CASKIN2: variants seen among roughly 807,000 people sequenced by gnomAD.
The protein encoded by CASKIN2 is caskin-2.
A neutral mutation model predicts 107.1 loss-of-function variants in CASKIN2; 41 were observed. The ratio of observed to expected loss-of-function variants is 0.38; its 90% CI spans 0.30 to 0.50. CASKIN2 has a LOEUF of 0.50. Ranked by LOEUF, CASKIN2 falls within the 20% of genes least tolerant of loss-of-function variation. The pLI is 0.92. For missense variants in CASKIN2, 1,546 were observed against 1,657.4 expected, an observed-to-expected ratio of 0.93 and a Z score of 1.17; for synonymous variants, 724 against 705.6, an observed-to-expected ratio of 1.03 and a Z score of -0.41.
rs1338401803 is a variant in CASKIN2, at chr17:75,506,755, C to T, written c.487-42G>A. 1 of 1,613,626 alleles carries T rather than the reference C, an allele frequency of 6.2e-7. No homozygotes were observed. The highest frequency in any genetic ancestry group is 8.5e-7 in the Non-Finnish European group (1 of 1,179,984). ...CCAGTTAGAGCCTCCTCCTGAGACC[C>T]TGTAGATGTCCAGGACCCAGCACCC... is the stretch of plus-strand genomic sequence containing the variant. On this transcript the variant is annotated intron_variant, in intron 6 of 19. Transcript: ENST00000321617. This position sits in a 1 kb window ranked among gnomAD's most constrained non-coding sequence, Gnocchi z 4.8.
At chr17:75,511,057 T>TC (rs2053311881) in intron 2 of CASKIN2, among the ~76,000 whole-genome samples, 1 of 109,302 alleles carries the variant, frequency 9.1e-6, no homozygotes, top group African/African-American at 3.2e-5. Flanking sequence ...TCTTTCCCTG[T>TC]CCTTTTTTTT....
intron 1 of CASKIN2, among the ~76,000 whole-genome samples, chr17:75,514,924 C>A (rs1478571369): frequency 1.3e-5 from 2 of 151,902 alleles, no homozygotes; most frequent in African/African-American, 2.4e-5. Context: ...AAGCCCAGAC[C>A]CTGGACTCCA....
rs1167526625 is a variant in CASKIN2 at position 75,505,428 on chromosome 17, G to T, written c.930+129C>A. ...AATGCTAACAGCACTGCCTTCCCTG[G>T]CTTTAAGAAGAATTAAATGAGGGTG... On this transcript the variant is annotated intron_variant, in intron 10 of 19. Transcript: ENST00000321617. The surrounding 1 kb of genome is among the most constrained non-coding windows in gnomAD (Gnocchi z 5.1). 9.6e-6 allele frequency: 8 copies of T among 831,578 alleles called. No homozygotes were observed. The East Asian group carries it at 1.7e-4, about 18-fold the overall frequency. The allele number at this position is 831,578 out of a possible 1,614,324, so 51.5% of individuals were successfully genotyped here. A position where few individuals can be genotyped will look rare whatever the true frequency, so the allele number is the denominator to read the frequency against.
Position 75,502,457 on chromosome 17 carries a change from G to A in CASKIN2, c.2617C>T (p.Pro873Ser). 2 of 1,441,908 alleles carry A rather than the reference G, an allele frequency of 1.4e-6. No homozygotes were observed. Among genetic ancestry groups the A allele is most frequent in the Non-Finnish European group, 1.8e-6 (2 of 1,092,704 alleles). 89.3% of individuals were successfully genotyped at this position (1,441,908 alleles called of 1,614,324 possible). A position where few individuals can be genotyped will look rare whatever the true frequency, so the allele number is the denominator to read the frequency against. Residue 873 changes from proline to serine, a missense_variant, in exon 18 of 20, where the codon CCC becomes TCC. Pro to Ser is a moderately conservative substitution (Grantham distance 74). This residue lies in a region of CASKIN2 where 1,311 missense variants were observed against 1,311.0 expected (regional missense o/e 1.00). Transcript: ENST00000321617. This position sits in a 1 kb window ranked among gnomAD's most constrained non-coding sequence, Gnocchi z 4.3. ...ARRKGPPPPP[P>S]KRLSSVSGPS... ...CCAGAGACGGAGCTGAGGCGCTTGG[G>A]GGGCGGGGGCGGGGGGCCTTTGCGC...
Position 75,504,645 on chromosome 17 carries a change from C to A in CASKIN2, c.1241G>T (p.Arg414Leu). ...VGSEGSVGSI[R>L]SAGSGQSSEG... Reference sequence around the variant, plus strand: ...AGAGCTCTGCCCGCTGCCGGCACTGCGGATGCTGCCCACGCTGCCCTCACT... The same window carrying A: ...AGAGCTCTGCCCGCTGCCGGCACTGAGGATGCTGCCCACGCTGCCCTCACT... Residue 414 changes from arginine to leucine, a missense_variant, in exon 12 of 20, where the codon CGC becomes CTC. By Grantham distance (102) the Arg-to-Leu change is moderately radical. Around this residue, in one of 6 missense-constraint regions of CASKIN2, gnomAD observed 1,311 missense variants for 1,311.0 expected, o/e 1.00. Transcript: ENST00000321617. The A allele has an allele frequency of 6.2e-7, 1 of 1,606,978 alleles. No homozygotes were observed. The highest frequency in any genetic ancestry group is 8.5e-7 in the Non-Finnish European group (1 of 1,176,106).
rs764859534 is a variant in CASKIN2, at chr17:75,501,592, G to A, written c.3394C>T (p.Arg1132Trp). ...RLGPRPVPPP[R>W]PESTGTVGPG... ...CCCACAGTCCCAGTGCTCTCAGGCCGTGGAGGAGGCACTGGGCGGGGGCCG... is the reference window on the plus strand; with the variant it reads ...CCCACAGTCCCAGTGCTCTCAGGCCATGGAGGAGGCACTGGGCGGGGGCCG... Residue 1132 changes from arginine to tryptophan, a missense_variant, in exon 19 of 20, where the codon CGG becomes TGG. Coordinates refer to ENST00000321617, the MANE Select transcript of CASKIN2 (RefSeq NM_020753.5). 19 of 1,608,020 alleles carry A rather than the reference G, an allele frequency of 1.2e-5. No homozygotes were observed. The highest frequency in any genetic ancestry group is 6.6e-5 in the South Asian group (6 of 90,964).
Position 75,504,871 on chromosome 17 carries a change from G to T in CASKIN2, c.1133C>A (p.Pro378His). Reference protein sequence around the residue: ...SRTPQPPAEEPPHPLTYSQLP... With the variant: ...SRTPQPPAEEHPHPLTYSQLP... Reference sequence around the variant, plus strand: ...CTGGCTGTAGGTAAGAGGGTGCGGGGGTTCTTCGGCAGGAGGCTGCGGTGT... The same window carrying T: ...CTGGCTGTAGGTAAGAGGGTGCGGGTGTTCTTCGGCAGGAGGCTGCGGTGT... Residue 378 changes from proline (P) to histidine (H), a missense_variant, in exon 11 of 20, where the codon CCC becomes CAC. Pro to His is a moderately conservative substitution (Grantham distance 77). Transcript: ENST00000321617. 9 of 1,611,576 alleles carry T rather than the reference G, an allele frequency of 5.6e-6. No homozygotes were observed. The highest frequency in any genetic ancestry group is 7.6e-6 in the Non-Finnish European group (9 of 1,179,320).
At position 75,502,234 on chromosome 17, in the gene CASKIN2, C is replaced by T; in HGVS notation, c.2840G>A (p.Gly947Glu). ...EGTPPSRGSS[G>E]EGLPFAEEGN... The stretch of plus-strand genomic sequence containing the variant: ...TTCCTCTGCAAACGGCAGCCCTTCC[C>T]CAGAGCTGCCCCGAGATGGGGGCGT... Residue 947 changes from glycine to glutamate, a missense_variant, in exon 18 of 20, where the codon GGG (glycine) becomes GAG (glutamate). By Grantham distance (98) the Gly-to-Glu change is moderately conservative (BLOSUM62 -2). Around this residue, in one of 6 missense-constraint regions of CASKIN2, gnomAD observed 1,311 missense variants for 1,311.0 expected, o/e 1.00. Transcript: ENST00000321617. The surrounding 1 kb of genome is among the most constrained non-coding windows in gnomAD (Gnocchi z 4.3). The T allele has an allele frequency of 6.4e-7, 1 of 1,574,176 alleles. No individual in the cohort carries two copies. Among genetic ancestry groups the T allele is most frequent in the African/African-American group, 1.3e-5 (1 of 74,642 alleles).
chr17:75,513,663 A>T, intron 2 of CASKIN2, 48 bp downstream of exon 2: 1 of 1,374,298 alleles, frequency 7.3e-7, no homozygotes, highest in Non-Finnish European at 1.0e-6. Context: ...AGCCTCTGTG[A>T]ACTGAGCGCT....
chr17:75,508,146 G>A, intron 3 of CASKIN2, 88 bp downstream of exon 3: 1 of 1,390,098 alleles, frequency 7.2e-7, no homozygotes. Flanking sequence ...GGGACCCTGG[G>A]CCTCAGGATC....
At position 75,506,541 on chromosome 17, in the gene CASKIN2, C is replaced by T; in HGVS notation, c.617+42G>A. 1 of 1,607,456 alleles carries T rather than the reference C, an allele frequency of 6.2e-7. No individual in the cohort carries two copies. The highest frequency in any genetic ancestry group is 8.5e-7 in the Non-Finnish European group (1 of 1,176,740). On this transcript the variant is annotated intron_variant, in intron 7 of 19. Coordinates refer to ENST00000321617, the MANE Select transcript of CASKIN2 (RefSeq NM_020753.5). This position sits in a 1 kb window ranked among gnomAD's most constrained non-coding sequence, Gnocchi z 4.8. ...AGAGCACTGAGGGGCACCGATGGTCCCGCAGGCAGGTGATGAGGAAGCGAG... is the reference window on the plus strand; with the variant it reads ...AGAGCACTGAGGGGCACCGATGGTCTCGCAGGCAGGTGATGAGGAAGCGAG...
chr17:75,513,348 G>A (rs921684702), intron 2 of CASKIN2, among the ~76,000 whole-genome samples: 2 of 152,204 alleles, frequency 1.3e-5, no homozygotes, highest in African/African-American at 4.8e-5. Flanking sequence ...GGGAGGCTGA[G>A]GCAGGAGAAT....
chr17:75,501,240 C>T (rs1054670913), intron 19 of CASKIN2, 70 bp from the exon 20 acceptor site: 4 of 1,409,690 alleles, frequency 2.8e-6, no homozygotes, highest in Non-Finnish European at 3.9e-6. Flanking sequence ...GGGCAGGGAG[C>T]TGTCATAGCT....
At chr17:75,509,981 C>T (rs1024993357) in intron 2 of CASKIN2, 4 of 957,532 alleles carry the variant, frequency 4.2e-6, no homozygotes, top group Non-Finnish European at 5.0e-6. Flanking sequence ...GGAAGAGGCT[C>T]AGAGTGACCG....
At position 75,506,912 on chromosome 17, in the gene CASKIN2, G is replaced by A. The variant is rs570348715; in HGVS notation, c.391-18C>T. ...ATTTCTGACTGGGGTTGGGGGAGCC[G>A]AGTGAGGGGGCCTGGCCTGTCCGGC... On this transcript the variant is annotated intron_variant, in intron 5 of 19. Coordinates refer to ENST00000321617, the MANE Select transcript of CASKIN2 (RefSeq NM_020753.5). This position sits in a 1 kb window ranked among gnomAD's most constrained non-coding sequence, Gnocchi z 4.8. 8 of 1,611,190 alleles carry A rather than the reference G, an allele frequency of 5.0e-6. No homozygotes were observed. Among genetic ancestry groups the A allele is most frequent in the East Asian group, 2.2e-5 (1 of 44,834 alleles).
chr17:75,510,183 AG>A (rs888366677), intron 2 of CASKIN2, among the ~76,000 whole-genome samples: 24 of 152,190 alleles, frequency 1.6e-4, no homozygotes, highest in Non-Finnish European at 4.4e-5. Context: ...TGGCCAAAGA[AG>A]GAGATTGTTC....
rs1319302753 is a variant in CASKIN2 at position 75,513,849 on chromosome 17, G to A, written c.-45C>T. The A allele has an allele frequency of 6.4e-7, 1 of 1,574,324 alleles. No individual in the cohort carries two copies. The highest frequency in any genetic ancestry group is 1.7e-5 in the Admixed American group (1 of 59,740). ...TCTACACTCAGGAGTCCAGGGCAAA[G>A]GCAGGCAACGGGTCCAAGCTGGGGC... On this transcript the variant is annotated 5_prime_UTR_variant, in exon 2 of 20. Transcript: ENST00000321617.
chr17:75,504,483 G>A lies in CASKIN2; in HGVS notation c.1315-3C>T. The A allele has an allele frequency of 6.2e-7, 1 of 1,605,008 alleles. No homozygotes were observed. Among genetic ancestry groups the A allele is most frequent in the Non-Finnish European group, 8.5e-7 (1 of 1,173,578 alleles). On this transcript the variant is annotated splice_polypyrimidine_tract_variant and splice_region_variant and intron_variant, in intron 12 of 19. Coordinates refer to ENST00000321617, the MANE Select transcript of CASKIN2 (RefSeq NM_020753.5). ...TCCTCTCCAGCAGAGGGCAGTGGCT[G>A]GAGGAGACAGGGCAGGAGCCAACTC... is the stretch of plus-strand genomic sequence containing the variant.
chr17:75,504,023 C>T, intron 14 of CASKIN2, 61 bp from the exon 15 acceptor site: 2 of 1,451,994 alleles, frequency 1.4e-6, no homozygotes, highest in African/African-American at 1.4e-5. Flanking sequence ...TAGCCCCCAC[C>T]AGGGGCTCAG....
Sources: allele counts gnomAD v4.1 joint callset (sites outside exome capture counted in the v4.1 genomes callset), GRCh38; gene constraint gnomAD v4.1.1; regional missense constraint gnomAD v4.1.1; non-coding constraint Gnocchi (gnomAD v3.1); transcripts MANE v1.5; gene names NCBI Gene and HGNC (gene_info 2026-07-23, HGNC 2026-07-21).